The following RORA variants were observed in gnomAD, a reference collection of about 807,000 sequenced individuals.
The protein encoded by RORA is RAR related orphan receptor A, also known as nuclear receptor ROR-alpha.
A neutral mutation model predicts 69.5 loss-of-function variants in RORA; 7 were observed. That is an observed-to-expected ratio of 0.10 (90% CI 0.06 to 0.19). The LOEUF (loss-of-function observed/expected upper bound fraction) is 0.19, where lower values mean the gene tolerates loss of function less well. RORA is among the 10% of genes least tolerant of loss of function. The pLI, the probability that RORA is intolerant of heterozygous loss-of-function variation, is 1.00. For missense variants in RORA, 457 were observed against 663.0 expected, an observed-to-expected ratio of 0.69 and a Z score of 3.41; for synonymous variants, 261 against 240.8, an observed-to-expected ratio of 1.08 and a Z score of -0.78.
intron 1 of RORA, among the ~76,000 whole-genome samples, chr15:60,872,093 A>G (rs1172073918): frequency 2.6e-5 from 4 of 152,110 alleles, no homozygotes; most frequent in Non-Finnish European, 5.9e-5. Context: ...GGTAATCTCT[A>G]TCATAAAGCA....
At chr15:60,884,171 A>G (rs1390270354) in intron 1 of RORA, among the ~76,000 whole-genome samples, 1 of 152,108 alleles carries the variant, frequency 6.6e-6, no homozygotes, top group African/African-American at 2.4e-5. Context: ...TGCTCAAAAT[A>G]GAACAGAAAA....
chr15:60,955,700 C>T (rs1277608843), intron 1 of RORA, among the ~76,000 whole-genome samples: 1 of 152,120 alleles, frequency 6.6e-6, no homozygotes, highest in Non-Finnish European at 1.5e-5. Flanking sequence ...AGACTTGGCC[C>T]CCATATATGC....
At chr15:60,542,344 C>CACACAT (rs1420176011) in intron 2 of RORA, among the ~76,000 whole-genome samples, 3,466 of 151,830 alleles carry the variant, frequency 0.023, 137 homozygotes, top group African/African-American at 0.08. Context: ...CATACACACA[C>CACACAT]ATACCACACA....
At chr15:60,922,315 A>C (rs1237058804) in intron 1 of RORA, among the ~76,000 whole-genome samples, 3 of 152,158 alleles carry the variant, frequency 2.0e-5, no homozygotes, top group Admixed American at 1.3e-4. Flanking sequence ...CCCTAACATA[A>C]ACTATGCAAT....
chr15:61,010,507 T>G (rs575475687), intron 1 of RORA, among the ~76,000 whole-genome samples: 1 of 152,188 alleles, frequency 6.6e-6, no homozygotes, highest in Non-Finnish European at 1.5e-5. Context: ...GAGAGATCGA[T>G]CACCTGGTCT....
intron 1 of RORA, among the ~76,000 whole-genome samples, chr15:60,898,231 G>T (rs1307131799): frequency 6.6e-6 from 1 of 152,182 alleles, no homozygotes; most frequent in Non-Finnish European, 1.5e-5. Context: ...ACTGAGTTCT[G>T]ATGACTCCAA....
chr15:60,846,688 G>A (rs989875680), intron 1 of RORA, among the ~76,000 whole-genome samples: 41 of 152,208 alleles, frequency 2.7e-4, no homozygotes, highest in Admixed American at 2.7e-3. Context: ...GGATGACAGG[G>A]TCAAGATGCC....
chr15:60,902,111 T>C (rs536443709), intron 1 of RORA, among the ~76,000 whole-genome samples: 2 of 152,298 alleles, frequency 1.3e-5, no homozygotes, highest in African/African-American at 4.8e-5. Context: ...CTGAATAATA[T>C]GACTTGTTTT....
chr15:60,681,201 C>T (rs2070637887), intron 1 of RORA, among the ~76,000 whole-genome samples: 1 of 152,162 alleles, frequency 6.6e-6, no homozygotes, highest in Admixed American at 6.5e-5. Flanking sequence ...TTTCATTTCA[C>T]AGATGGGGAA....
At chr15:60,836,194 C>T (rs1284820323) in intron 1 of RORA, among the ~76,000 whole-genome samples, 3 of 152,124 alleles carry the variant, frequency 2.0e-5, no homozygotes, top group Non-Finnish European at 2.9e-5. Context: ...AATGTCATTC[C>T]GTGGGAAAAG....
chr15:61,134,026 C>A (rs148882310), intron 1 of RORA, among the ~76,000 whole-genome samples: 61 of 152,314 alleles, frequency 4.0e-4, no homozygotes, highest in African/African-American at 1.3e-3. Context: ...CTTGCAGACT[C>A]AAGCAGGTAG....
chr15:60,622,961 C>T (rs957520911), intron 2 of RORA, among the ~76,000 whole-genome samples: 14 of 152,294 alleles, frequency 9.2e-5, no homozygotes, highest in Non-Finnish European at 2.1e-4. Context: ...GGTGATCCAC[C>T]CGCCTCAGTC....
At position 60,766,234 on chromosome 15, in the gene RORA, C is replaced by T. The variant is rs896236196; in HGVS notation, c.167-87548G>A. Among the ~76,000 whole-genome samples, 9 of 151,986 alleles carry T rather than the reference C, an allele frequency of 5.9e-5. No homozygotes were observed. In the East Asian group the frequency reaches 1.5e-3, roughly 26 times the overall value. On this transcript the variant is annotated intron_variant, in intron 1 of 10. Transcript: ENST00000335670. ...AATTGTGTGTGAGCCTGTGAGCCTG[C>T]GAGCCTGTGTCTGTATCATTCACTT... is the stretch of plus-strand genomic sequence containing the variant.
chr15:61,054,253 T>G (rs1221874647), intron 1 of RORA, among the ~76,000 whole-genome samples: 1 of 151,454 alleles, frequency 6.6e-6, no homozygotes, highest in Non-Finnish European at 1.5e-5. Context: ...AAACGTATGG[T>G]AATGTGAGGA....
chr15:60,695,742 C>T (rs1440762861), intron 1 of RORA, among the ~76,000 whole-genome samples: 1 of 152,100 alleles, frequency 6.6e-6, no homozygotes, highest in East Asian at 1.9e-4. Context: ...CCCCACGTCC[C>T]CACAGCTATG....
At chr15:60,937,458 A>C (rs1395587006) in intron 1 of RORA, among the ~76,000 whole-genome samples, 1 of 152,222 alleles carries the variant, frequency 6.6e-6, no homozygotes, top group African/African-American at 2.4e-5. Context: ...AAGAGTTACC[A>C]AACAGCACAG....
chr15:60,885,545 T>C (rs1380176363), intron 1 of RORA, among the ~76,000 whole-genome samples: 2 of 152,332 alleles, frequency 1.3e-5, no homozygotes, highest in Non-Finnish European at 2.9e-5. Context: ...GCTACAGAAT[T>C]CTGGAGTAGT....
chr15:60,872,423 C>T (rs770608887), intron 1 of RORA, among the ~76,000 whole-genome samples: 14 of 152,190 alleles, frequency 9.2e-5, no homozygotes, highest in Non-Finnish European at 1.9e-4. Flanking sequence ...TTGGTCTTCA[C>T]TCTGGAAGTG....
At chr15:60,710,691 C>T (rs969114645) in intron 1 of RORA, among the ~76,000 whole-genome samples, 1 of 152,170 alleles carries the variant, frequency 6.6e-6, no homozygotes, top group South Asian at 2.1e-4. Flanking sequence ...CATTTACTCA[C>T]ATTCTCATGG....
Sources: allele counts gnomAD v4.1 joint callset (sites outside exome capture counted in the v4.1 genomes callset), GRCh38; gene constraint gnomAD v4.1.1; transcripts MANE v1.5; gene names NCBI Gene and HGNC (gene_info 2026-07-23, HGNC 2026-07-21).